Variants in AGMO observed in about 807,000 individuals in gnomAD.
The protein encoded by AGMO is alkylglycerol monooxygenase.
In AGMO, 75 loss-of-function variants were observed where a neutral mutation model predicts 60.2. The ratio of observed to expected loss-of-function variants is 1.25; its 90% confidence interval spans 1.03 to 1.51. The LOEUF (loss-of-function observed/expected upper bound fraction) is 1.51, where lower values mean the gene tolerates loss of function less well. Ranked by LOEUF, AGMO falls within the 40% of genes most tolerant of loss-of-function variation. The pLI, the probability that AGMO is intolerant of heterozygous loss-of-function variation, is 0.00. For missense variants in AGMO, 763 were observed against 525.5 expected (o/e 1.45, Z -4.42); for synonymous variants, 261 against 177.1 (o/e 1.47, Z -3.76).
rs78011531 is a variant in AGMO, at chr7:15,240,878, G to A, written c.1264-39519C>T. Among the ~76,000 whole-genome samples, 8 of 151,788 alleles carry A rather than the reference G, an allele frequency of 5.3e-5. No individual in the cohort carries two copies. In the East Asian group the frequency reaches 1.6e-3, roughly 29 times the overall value. ...TCTAGGTGATTTTTTTTTCCAATAT[G>A]AGAAAGCTAGTTCAGTGGAGTTAAT... On this transcript the variant is annotated intron_variant, in intron 12 of 12. Transcript: ENST00000342526.
At chr7:15,365,359 CAACT>C (rs1782928493) in intron 12 of AGMO, among the ~76,000 whole-genome samples, 151 bp downstream of exon 12, 1 of 67,348 alleles carries the variant, frequency 1.5e-5, no homozygotes, top group African/African-American at 8.9e-5. Context: ...TCAGATGACA[CAACT>C]AACAAGTACT....
intron 3 of AGMO, among the ~76,000 whole-genome samples, chr7:15,497,060 G>A (rs1783252343): frequency 6.6e-6 from 1 of 152,102 alleles, no homozygotes; most frequent in Non-Finnish European, 1.5e-5. Flanking sequence ...GTGTGCCATA[G>A]AAGAAGAAGA....
downstream of AGMO, among the ~76,000 whole-genome samples, chr7:15,200,128 A>C (rs945577175): frequency 1.3e-5 from 2 of 151,968 alleles, no homozygotes; most frequent in Non-Finnish European, 2.9e-5. Flanking sequence ...TAAATTATTA[A>C]ATTTTATTAT....
chr7:15,176,642 A>G, the AGMO span, among the ~76,000 whole-genome samples: 1 of 151,910 alleles, frequency 6.6e-6, no homozygotes, highest in Non-Finnish European at 1.5e-5. Flanking sequence ...ATTAATTAAC[A>G]CATCCTTCAC....
intron 12 of AGMO, among the ~76,000 whole-genome samples, chr7:15,250,987 A>T (rs1782916872): frequency 6.6e-6 from 1 of 152,052 alleles, no homozygotes; most frequent in Admixed American, 6.5e-5. Flanking sequence ...TGTTAGCAGG[A>T]AAAAAATTAT....
intron 5 of AGMO, among the ~76,000 whole-genome samples, chr7:15,402,686 TTAAA>T (rs1784584530): frequency 6.7e-6 from 1 of 148,642 alleles, no homozygotes; most frequent in Non-Finnish European, 1.5e-5. Context: ...TTAATAAATA[TTAAA>T]TATTCAAATG....
At chr7:15,278,773 G>C (rs767738232) in intron 12 of AGMO, among the ~76,000 whole-genome samples, 60 of 152,298 alleles carry the variant, frequency 3.9e-4, no homozygotes, top group Non-Finnish European at 7.9e-4. Flanking sequence ...GGCAGTGGTG[G>C]CAATTGCTGT....
chr7:15,443,300 G>C (rs540938194), intron 3 of AGMO, among the ~76,000 whole-genome samples: 49 of 152,254 alleles, frequency 3.2e-4, no homozygotes, highest in African/African-American at 1.2e-3. Flanking sequence ...TTCACCCCTA[G>C]ATGCTGTCGT....
At chr7:15,275,911 T>C (rs1783772770) in intron 12 of AGMO, among the ~76,000 whole-genome samples, 1 of 152,174 alleles carries the variant, frequency 6.6e-6, no homozygotes. Flanking sequence ...CCACTTTCAG[T>C]CTGTGGGTTT....
chr7:15,398,198 C>T (rs113558269), intron 5 of AGMO, among the ~76,000 whole-genome samples: 68 of 152,204 alleles, frequency 4.5e-4, no homozygotes, highest in African/African-American at 1.6e-3. Context: ...TAGGCCCTGG[C>T]GTGTGTGCAG....
At chr7:15,502,611 G>A (rs7809664) in intron 3 of AGMO, among the ~76,000 whole-genome samples, 98,191 of 151,584 alleles carry the variant, frequency 0.65, 32,499 homozygotes, top group East Asian at 0.97. Flanking sequence ...AGGAAATGCC[G>A]GGGTAAATTA....
chr7:15,351,241 T>C (rs940727326), intron 12 of AGMO, among the ~76,000 whole-genome samples: 9 of 152,284 alleles, frequency 5.9e-5, no homozygotes, highest in South Asian at 2.1e-4. Context: ...CTTATCTCTA[T>C]TGTTTTTACA....
intron 5 of AGMO, among the ~76,000 whole-genome samples, chr7:15,408,918 T>G (rs1336968059): frequency 6.6e-6 from 1 of 151,754 alleles, no homozygotes; most frequent in Non-Finnish European, 1.5e-5. Flanking sequence ...AAGGGAGAAT[T>G]TGAGTTGGGC....
chr7:15,236,276 G>A (rs1338772756), intron 12 of AGMO, among the ~76,000 whole-genome samples: 4 of 152,030 alleles, frequency 2.6e-5, no homozygotes, highest in Non-Finnish European at 5.9e-5. Flanking sequence ...ATTTTATATA[G>A]TAAGATACCA....
chr7:15,205,871 T>C (rs1035229303), intron 12 of AGMO, among the ~76,000 whole-genome samples: 2 of 152,140 alleles, frequency 1.3e-5, no homozygotes, highest in African/African-American at 4.8e-5. Context: ...AAAAATTGTT[T>C]CTGTAGTATC....
At chr7:15,403,349 T>A (rs1784604984) in intron 5 of AGMO, among the ~76,000 whole-genome samples, 1 of 151,966 alleles carries the variant, frequency 6.6e-6, no homozygotes, top group South Asian at 2.1e-4. Context: ...TTCAACTGAT[T>A]ATACAGAAAT....
intron 12 of AGMO, among the ~76,000 whole-genome samples, chr7:15,273,678 TG>T (rs1195516119): frequency 6.6e-6 from 1 of 152,190 alleles, no homozygotes; most frequent in African/African-American, 2.4e-5. Context: ...GGTAGGTTGA[TG>T]GGGATGGCAT....
At position 15,322,479 on chromosome 7, in the gene AGMO, TATATATAAATATATATAA is replaced by T. The variant is rs1781144906; in HGVS notation, c.1263+43017_1263+43034del. On this transcript the variant is annotated intron_variant, in intron 12 of 12. Coordinates refer to ENST00000342526, the MANE Select transcript of AGMO (RefSeq NM_001004320.2). ...ATAAATATATATAAATATATAAATA[TATATATAAATATATATAA>T]ATATATAAATATATATATAAATATA... Among the ~76,000 whole-genome samples, 5 of 71,794 alleles carry T rather than the reference TATATATAAATATATATAA, an allele frequency of 7.0e-5. No homozygotes were observed. In the East Asian group the frequency reaches 1.2e-3, roughly 17 times the overall value. The allele number at this position is 71,794 out of a possible 152,430, so 47.1% of individuals were successfully genotyped here.
At chr7:15,159,747 A>G in the AGMO span, among the ~76,000 whole-genome samples, 1 of 152,178 alleles carries the variant, frequency 6.6e-6, no homozygotes, top group Non-Finnish European at 1.5e-5. Context: ...TAATTTGTGA[A>G]TTCTCAGAAA....
Sources: gnomAD v4.1 joint callset for allele counts (sites outside exome capture counted in the v4.1 genomes callset) on GRCh38, gnomAD v4.1.1 for gene constraint, MANE v1.5 for transcripts, NCBI Gene and HGNC (gene_info 2026-07-23, HGNC 2026-07-21) for gene names.